The following SH3BP4 variants were observed in gnomAD, a reference collection of about 807,000 sequenced individuals.
SH3BP4 encodes the protein SH3 domain-binding protein 4.
In SH3BP4, 33 loss-of-function variants were observed where a neutral mutation model predicts 65.5. The observed-to-expected ratio is 0.50, with a 90% CI of 0.38 to 0.67. SH3BP4 has a LOEUF of 0.67. Among genes scored for constraint, SH3BP4 ranks in the 30% least tolerant of loss-of-function variants. The pLI, the probability that SH3BP4 is intolerant of heterozygous loss-of-function variation, is 0.00. For missense variants in SH3BP4, 1,134 were observed against 1,261.4 expected (o/e 0.90, Z 1.53); for synonymous variants, 552 against 545.5 (o/e 1.01, Z -0.17).
chr2:235,011,598 CT>C (rs1157377238), intron 2 of SH3BP4, among the ~76,000 whole-genome samples: 1 of 152,228 alleles, frequency 6.6e-6, no homozygotes, highest in South Asian at 2.1e-4. Context: ...TCATCTGTGT[CT>C]TTGTCATTTC....
chr2:235,042,241 T>C lies in SH3BP4; in HGVS notation c.1472T>C (p.Val491Ala). 3 of 1,613,956 alleles carry C rather than the reference T, an allele frequency of 1.9e-6. No homozygotes were observed. The highest frequency in any genetic ancestry group is 1.3e-5 in the African/African-American group (1 of 74,970). ...PKHIHPSFKT[V>A]VTIFGHDCAP... Reference sequence around the variant, plus strand: ...CACATCCACCCATCCTTCAAGACGGTAGTGACCATTTTTGGGCATGACTGT... The same window carrying C: ...CACATCCACCCATCCTTCAAGACGGCAGTGACCATTTTTGGGCATGACTGT... Residue 491 changes from valine (V) to alanine (A), a missense_variant, in exon 4 of 6, where the codon GTA becomes GCA. By Grantham distance (64) the Val-to-Ala change is moderately conservative. Coordinates refer to ENST00000392011, the MANE Select transcript of SH3BP4 (RefSeq NM_014521.3). The surrounding 1 kb of genome is among the most constrained non-coding windows in gnomAD (Gnocchi z 7.3).
At chr2:235,002,847 C>T (rs1293769822) in intron 2 of SH3BP4, among the ~76,000 whole-genome samples, 1 of 152,220 alleles carries the variant, frequency 6.6e-6, no homozygotes, top group Non-Finnish European at 1.5e-5. Context: ...GTTCAGATAA[C>T]GGAAGGCCAC....
intron 1 of SH3BP4, among the ~76,000 whole-genome samples, chr2:234,993,504 G>T (rs1426490993): frequency 6.6e-6 from 1 of 152,332 alleles, no homozygotes; most frequent in South Asian, 2.1e-4. Context: ...AGATGCTGGT[G>T]CAGTGGCTTT....
rs529226171 is a variant in SH3BP4 at position 235,045,336 on chromosome 2, C to A, written c.2478+2089C>A. ...TACCACACCAGCTGTGGAAAATAACCGCCGAGTAGGTGGCTTTTACACTCA... is the reference window on the plus strand; with the variant it reads ...TACCACACCAGCTGTGGAAAATAACAGCCGAGTAGGTGGCTTTTACACTCA... On this transcript the variant is annotated intron_variant, in intron 4 of 5. Transcript: ENST00000392011. The surrounding 1 kb of genome is among the most constrained non-coding windows in gnomAD (Gnocchi z 4.3). Among the ~76,000 whole-genome samples, 8 of 152,312 alleles carry A rather than the reference C, an allele frequency of 5.3e-5. No individual in the cohort carries two copies. Among genetic ancestry groups the A allele is most frequent in the African/African-American group, 1.9e-4 (8 of 41,580 alleles).
rs182514661 is a variant in SH3BP4, at chr2:234,960,690, G to A, written c.-207+8520G>A. 2.8e-3 allele frequency among the ~76,000 whole-genome samples: 423 copies of A among 152,350 alleles called. 3 individuals carry two copies. The highest frequency in any genetic ancestry group is 9.3e-3 in the African/African-American group (387 of 41,580). Reference sequence around the variant, plus strand: ...GAAATGCTCAGTTGCACTGTGTAATGTAGGATTTTTCCGTGGTTTTGGATT... The same window carrying A: ...GAAATGCTCAGTTGCACTGTGTAATATAGGATTTTTCCGTGGTTTTGGATT... On this transcript the variant is annotated intron_variant, in intron 1 of 5. Coordinates refer to ENST00000392011, the MANE Select transcript of SH3BP4 (RefSeq NM_014521.3).
chr2:234,975,525 TGG>T (rs552955222), intron 1 of SH3BP4, among the ~76,000 whole-genome samples: 123 of 152,290 alleles, frequency 8.1e-4, no homozygotes, highest in African/African-American at 2.9e-3. Flanking sequence ...ATTTCATATA[TGG>T]GGAAACTGAG....
chr2:234,963,354 G>T (rs1369780602), intron 1 of SH3BP4, among the ~76,000 whole-genome samples: 1 of 152,100 alleles, frequency 6.6e-6, no homozygotes, highest in Admixed American at 6.6e-5. Context: ...TAATTGTTGG[G>T]TGACTGTATA....
chr2:234,970,420 C>A lies in SH3BP4; in HGVS notation c.-207+18250C>A, dbSNP rs1481848786. Among the ~76,000 whole-genome samples, 3 of 152,142 alleles carry A rather than the reference C, an allele frequency of 2.0e-5. No individual in the cohort carries two copies. In the South Asian group the frequency reaches 6.2e-4, roughly 32 times the overall value. ...TCTGGCTTTTTAATTTTAAAAGCAT[C>A]CTAGGTGACTCGATAGGCCCAACTG... On this transcript the variant is annotated intron_variant, in intron 1 of 5. Transcript: ENST00000392011.
Position 235,042,783 on chromosome 2 carries a change from C to T in SH3BP4, c.2014C>T (p.His672Tyr). The T allele has an allele frequency of 6.2e-7, 1 of 1,614,166 alleles. No homozygotes were observed. Among genetic ancestry groups the T allele is most frequent in the Admixed American group, 1.7e-5 (1 of 60,028 alleles). Residue 672 changes from histidine to tyrosine, a missense_variant, in exon 4 of 6, where the codon CAC (histidine) becomes TAC (tyrosine). Physicochemically the swap from His to Tyr is moderately conservative, Grantham distance 83. Transcript: ENST00000392011. The surrounding 1 kb of genome is among the most constrained non-coding windows in gnomAD (Gnocchi z 7.3). ...GACTGTGGTGCGGCAGAACAAGAACCACTACCTGCTGGAGTACAAGAAGGG... is the reference window on the plus strand; with the variant it reads ...GACTGTGGTGCGGCAGAACAAGAACTACTACCTGCTGGAGTACAAGAAGGG... ...LKTVVRQNKNHYLLEYKKGDG... is the reference protein window; with the variant it reads ...LKTVVRQNKNYYLLEYKKGDG...
At chr2:234,962,317 A>G (rs57064561) in intron 1 of SH3BP4, among the ~76,000 whole-genome samples, 4,117 of 151,866 alleles carry the variant, frequency 0.027, 85 homozygotes, top group African/African-American at 0.061. Flanking sequence ...TTGTATTTGT[A>G]GTAGAGATGG....
At chr2:235,012,568 G>A (rs1694546126) in intron 2 of SH3BP4, among the ~76,000 whole-genome samples, 1 of 152,168 alleles carries the variant, frequency 6.6e-6, no homozygotes, top group Non-Finnish European at 1.5e-5. Context: ...GGTGACCTGT[G>A]TGCCTGCAGG....
At chr2:234,983,212 C>T (rs1268025232) in intron 1 of SH3BP4, 1 of 152,264 alleles carries the variant, frequency 6.6e-6, no homozygotes, top group African/African-American at 2.4e-5. Context: ...CCACACAGCC[C>T]GTTCAAGGTG....
chr2:234,982,219 G>A (rs1313679661), intron 1 of SH3BP4, among the ~76,000 whole-genome samples: 1 of 152,218 alleles, frequency 6.6e-6, no homozygotes, highest in African/African-American at 2.4e-5. Flanking sequence ...CTCTGGTGGT[G>A]CCTGGGCCTC....
chr2:235,051,275 G>A (rs1696044139), intron 4 of SH3BP4, among the ~76,000 whole-genome samples: 1 of 152,210 alleles, frequency 6.6e-6, no homozygotes, highest in Admixed American at 6.5e-5. Context: ...TTGGCACAGT[G>A]TACAGGACTA....
intron 2 of SH3BP4, among the ~76,000 whole-genome samples, chr2:235,013,161 T>C (rs1203019354): frequency 2.0e-5 from 3 of 152,212 alleles, no homozygotes; most frequent in Non-Finnish European, 4.4e-5. Flanking sequence ...AAACCCTAAG[T>C]GCTGACTCGC....
chr2:235,013,126 T>C (rs141369512), intron 2 of SH3BP4, among the ~76,000 whole-genome samples: 8 of 152,306 alleles, frequency 5.3e-5, no homozygotes, highest in South Asian at 2.1e-4. Flanking sequence ...AGAGGTGAGA[T>C]TCAGTTGTGA....
chr2:234,960,307 GT>G, intron 1 of SH3BP4, among the ~76,000 whole-genome samples: 1 of 152,308 alleles, frequency 6.6e-6, no homozygotes, highest in African/African-American at 2.4e-5. Flanking sequence ...AGCAAGTTGG[GT>G]TTTTGTTTTT....
At chr2:235,038,289 AATATATATATTATAT>A (rs1179091862) in intron 3 of SH3BP4, among the ~76,000 whole-genome samples, 2,086 of 22,730 alleles carry the variant, frequency 0.092, 153 homozygotes, top group East Asian at 0.2. Context: ...TATTATATAT[AATATATATATTATAT>A]ATATATATTA....
At chr2:234,960,477 G>C (rs1304702996) in intron 1 of SH3BP4, among the ~76,000 whole-genome samples, 1 of 152,162 alleles carries the variant, frequency 6.6e-6, no homozygotes, top group Non-Finnish European at 1.5e-5. Flanking sequence ...CCTGTGTGAG[G>C]GGGTGCTGAC....
Sources: allele counts gnomAD v4.1 joint callset (sites outside exome capture counted in the v4.1 genomes callset), GRCh38; gene constraint gnomAD v4.1.1; non-coding constraint Gnocchi (gnomAD v3.1); transcripts MANE v1.5; gene names NCBI Gene and HGNC (gene_info 2026-07-23, HGNC 2026-07-21).